CAMK1G: variants seen among roughly 807,000 people sequenced by gnomAD.
The protein encoded by CAMK1G is calcium/calmodulin dependent protein kinase IG, also known as calcium/calmodulin-dependent protein kinase type 1G.
CAMK1G carries 27 observed loss-of-function variants against 54.8 expected under a neutral mutation model. The ratio of observed to expected loss-of-function variants is 0.49; its 90% CI spans 0.36 to 0.68. The LOEUF (loss-of-function observed/expected upper bound fraction) is 0.68. Ranked by LOEUF, CAMK1G falls within the 30% of genes least tolerant of loss-of-function variation. The pLI is 0.00. For synonymous variants in CAMK1G, 238 were observed against 224.9 expected (o/e 1.06, Z -0.52); for missense variants, 512 against 591.0 (o/e 0.87, Z 1.39).
At position 209,611,869 on chromosome 1, in the gene CAMK1G, A is replaced by G. The variant is rs765011800; in HGVS notation, c.993A>G (p.Pro331=). Residue 331 remains proline (P), a synonymous_variant, in exon 11 of 13, where the codon CCA becomes CCG. Coordinates refer to ENST00000361322, the MANE Select transcript of CAMK1G (RefSeq NM_020439.3). ...HMNLHSPGVR[P]EVENRPPETQ... Reference sequence around the variant, plus strand: ...ACCTGCACAGCCCGGGCGTCCGCCCAGAGGTGGAGAACAGGCCGCCTGAAA... The same window carrying G: ...ACCTGCACAGCCCGGGCGTCCGCCCGGAGGTGGAGAACAGGCCGCCTGAAA... 1.2e-6 allele frequency: 2 copies of G among 1,614,266 alleles called. No homozygotes were observed. The highest frequency in any genetic ancestry group is 1.7e-6 in the Non-Finnish European group (2 of 1,180,044).
chr1:209,607,181 T>A (rs1480363016), intron 6 of CAMK1G, among the ~76,000 whole-genome samples: 2 of 152,104 alleles, frequency 1.3e-5, no homozygotes, highest in Non-Finnish European at 2.9e-5. Flanking sequence ...GGCAGGTCAT[T>A]CACTCCTCAG....
rs776318186 is a variant in CAMK1G, at chr1:209,609,894, G to A, written c.792G>A (p.Glu264=). ...ICHLLEKDPN[E]RYTCEKALSH... ...ACTTGCTTGAGAAGGATCCGAACGA[G>A]CGGTACACCTGTGAGAAGGCCTTGA... The change falls in exon 9 of 13, where the codon GAG becomes GAA. Residue 264 remains glutamate, a synonymous_variant. Coordinates refer to ENST00000361322, the MANE Select transcript of CAMK1G (RefSeq NM_020439.3). The A allele has an allele frequency of 2.5e-6, 4 of 1,614,168 alleles. No homozygotes were observed. Among genetic ancestry groups the A allele is most frequent in the Non-Finnish European group, 3.4e-6 (4 of 1,180,016 alleles).
chr1:209,599,086 G>A (rs144504606), intron 2 of CAMK1G, among the ~76,000 whole-genome samples: 58 of 152,270 alleles, frequency 3.8e-4, no homozygotes, highest in African/African-American at 1.0e-3. Flanking sequence ...TTCACAAGGC[G>A]GCAGGAAGAA....
chr1:209,600,124 T>G lies in CAMK1G; in HGVS notation c.221+13T>G. On this transcript the variant is annotated intron_variant, in intron 3 of 12. Coordinates refer to ENST00000361322, the MANE Select transcript of CAMK1G (RefSeq NM_020439.3). The stretch of plus-strand genomic sequence containing the variant: ...CTGTGTTGAAAAAGTGAGTGGGTCT[T>G]AGTGTTGACTGGATCACTATGGGAT... The G allele has an allele frequency of 1.2e-6, 2 of 1,612,132 alleles. No individual in the cohort carries two copies. Among genetic ancestry groups the G allele is most frequent in the Admixed American group, 3.3e-5 (2 of 59,802 alleles).
intron 2 of CAMK1G, among the ~76,000 whole-genome samples, chr1:209,596,476 G>A (rs1665384936): frequency 6.6e-6 from 1 of 152,148 alleles, no homozygotes; most frequent in Non-Finnish European, 1.5e-5. Context: ...CTACCACACA[G>A]CACCTAAACC....
intron 1 of CAMK1G, among the ~76,000 whole-genome samples, chr1:209,591,530 C>A (rs972929671): frequency 5.4e-4 from 82 of 152,284 alleles, no homozygotes; most frequent in Non-Finnish European, 1.0e-3. Flanking sequence ...TGAATTTGTC[C>A]ATTGTAGCGT....
intron 2 of CAMK1G, among the ~76,000 whole-genome samples, chr1:209,598,916 C>A (rs1665452398): frequency 6.6e-6 from 1 of 152,152 alleles, no homozygotes; most frequent in Admixed American, 6.5e-5. Context: ...CCAGTTTGGG[C>A]AACTGGGTTA....
chr1:209,599,902 C>T (rs776508182), intron 2 of CAMK1G, 81 bp from the exon 3 acceptor site: 10 of 1,533,574 alleles, frequency 6.5e-6, no homozygotes, highest in African/African-American at 1.4e-5. Context: ...GACTCTGTTA[C>T]GTCCTTTCTG....
intron 2 of CAMK1G, among the ~76,000 whole-genome samples, chr1:209,596,600 C>A (rs1012413166): frequency 1.3e-5 from 2 of 151,810 alleles, no homozygotes; most frequent in African/African-American, 4.8e-5. Flanking sequence ...GTATACCCAC[C>A]ATCTAAATTC....
intron 9 of CAMK1G, among the ~76,000 whole-genome samples, chr1:209,610,334 G>A (rs951628141): frequency 3.3e-5 from 5 of 152,298 alleles, no homozygotes; most frequent in East Asian, 3.9e-4. Flanking sequence ...CAAAGCAACC[G>A]ATTGGCAAAA....
In CAMK1G at chr1:209,600,083, C is replaced by A; in HGVS notation, c.193C>A (p.Leu65Met). The A allele has an allele frequency of 6.2e-7, 1 of 1,613,872 alleles. No individual in the cohort carries two copies. Among genetic ancestry groups the A allele is most frequent in the South Asian group, 1.1e-5 (1 of 91,072 alleles). The stretch of plus-strand genomic sequence containing the variant: ...GTCACCTGCCTTCCGGGACAGCAGC[C>A]TGGAGAATGAGATTGCTGTGTTGAA... ...KKSPAFRDSS[L>M]ENEIAVLKKI... is the part of the protein sequence containing the mutation. Residue 65 changes from leucine to methionine, a missense_variant, in exon 3 of 13, where the codon CTG becomes ATG. Physicochemically the swap from Leu to Met is conservative, Grantham distance 15. Coordinates refer to ENST00000361322, the MANE Select transcript of CAMK1G (RefSeq NM_020439.3).
intron 1 of CAMK1G, among the ~76,000 whole-genome samples, chr1:209,594,167 G>C (rs1665323674): frequency 6.6e-6 from 1 of 152,040 alleles, no homozygotes; most frequent in African/African-American, 2.4e-5. Flanking sequence ...GACCCTCCCT[G>C]TTTATCTCTA....
intron 9 of CAMK1G, 30 bp from the exon 10 acceptor site, chr1:209,611,435 G>C: frequency 6.2e-7 from 1 of 1,610,354 alleles, no homozygotes; most frequent in Non-Finnish European, 8.5e-7. Context: ...TAGCCACCCA[G>C]TAGCCAGGTG....
intron 1 of CAMK1G, among the ~76,000 whole-genome samples, chr1:209,593,641 C>T (rs900362938): frequency 2.6e-5 from 4 of 152,186 alleles, no homozygotes; most frequent in Non-Finnish European, 5.9e-5. Context: ...CCGTCTGCCC[C>T]ACCATATGAC....
At chr1:209,603,128 C>A in intron 3 of CAMK1G, 86 bp from the exon 4 acceptor site, 1 of 1,310,296 alleles carries the variant, frequency 7.6e-7, no homozygotes, top group Non-Finnish European at 1.1e-6. Flanking sequence ...CAAAAGCCTC[C>A]AACAGAAACT....
intron 2 of CAMK1G, among the ~76,000 whole-genome samples, chr1:209,597,940 A>C (rs761609712): frequency 1.8e-4 from 27 of 152,242 alleles, no homozygotes; most frequent in Admixed American, 3.9e-4. Flanking sequence ...TGTCAGAAAC[A>C]CTTTTAAGCT....
In CAMK1G at chr1:209,600,122, C is replaced by T. The variant is rs139782257; in HGVS notation, c.221+11C>T. On this transcript the variant is annotated intron_variant, in intron 3 of 12. Coordinates refer to ENST00000361322, the MANE Select transcript of CAMK1G (RefSeq NM_020439.3). ...TGCTGTGTTGAAAAAGTGAGTGGGT[C>T]TTAGTGTTGACTGGATCACTATGGG... 6.0e-4 allele frequency: 966 copies of T among 1,612,478 alleles called. 5 individuals carry two copies. In the African/African-American group the frequency reaches 0.011, roughly 18 times the overall value.
intron 4 of CAMK1G, among the ~76,000 whole-genome samples, chr1:209,604,625 A>T (rs1665604433): frequency 6.6e-6 from 1 of 152,106 alleles, no homozygotes; most frequent in Non-Finnish European, 1.5e-5. Flanking sequence ...GGTAAGGGGG[A>T]CTAGGAGGGT....
rs1665795745 is a variant in CAMK1G at position 209,612,084 on chromosome 1, T to C, written c.1208T>C (p.Leu403Pro). ...GGCTCCCTCCACATCAGCAGCAGCC[T>C]GGTGCCCATGCATCAGGGGTCCCTG... The part of the protein sequence containing the change: ...VNGSLHISSS[L>P]VPMHQGSLAA... Residue 403 changes from leucine (L) to proline (P), a missense_variant, in exon 11 of 13, where the codon CTG becomes CCG. Coordinates refer to ENST00000361322, the MANE Select transcript of CAMK1G (RefSeq NM_020439.3). 6.2e-7 allele frequency: 1 copy of C among 1,614,188 alleles called. No homozygotes were observed.
Sources: allele counts gnomAD v4.1 joint callset (sites outside exome capture counted in the v4.1 genomes callset), GRCh38; gene constraint gnomAD v4.1.1; transcripts MANE v1.5; gene names NCBI Gene and HGNC (gene_info 2026-07-23, HGNC 2026-07-21).